The following C6orf132 variants were observed in gnomAD, a reference collection of about 807,000 sequenced individuals.
C6orf132 encodes the protein uncharacterized protein C6orf132.
Under a neutral mutation model 65.3 loss-of-function variants are expected in C6orf132, and 43 were observed. The observed-to-expected ratio is 0.66, with a 90% CI of 0.52 to 0.85. The LOEUF is 0.85. C6orf132 is among the 40% of genes least tolerant of loss of function. The pLI is 0.00. For missense variants in C6orf132, 1,488 were observed against 1,548.8 expected (o/e 0.96, Z 0.66); for synonymous variants, 631 against 654.1 (o/e 0.96, Z 0.54).
intron 2 of C6orf132, among the ~76,000 whole-genome samples, chr6:42,128,047 C>T (rs919474944): frequency 6.6e-6 from 1 of 151,584 alleles, no homozygotes; most frequent in Non-Finnish European, 1.5e-5. Context: ...GCCTCAGCCT[C>T]CCGAGTAGCT....
rs749065390 is a variant in C6orf132, at chr6:42,105,289, C to T, written c.2623G>A (p.Ala875Thr). Residue 875 changes from alanine to threonine, a missense_variant, in exon 4 of 5, where the codon GCC becomes ACC. Transcript: ENST00000341865. ...AAGATGCTGTCAGAGCTGGCCTCGG[C>T]TTGGTGGCTGTGGTCACGGAGACTT... ...PGSLRDHSHQ[A>T]EASSDSIFHS... 15 of 1,537,184 alleles carry T rather than the reference C, an allele frequency of 9.8e-6. No homozygotes were observed. Among genetic ancestry groups the T allele is most frequent in the African/African-American group, 1.4e-5 (1 of 73,180 alleles).
At chr6:42,138,663 C>A (rs1766988549) in intron 1 of C6orf132, among the ~76,000 whole-genome samples, 1 of 152,148 alleles carries the variant, frequency 6.6e-6, no homozygotes, top group Non-Finnish European at 1.5e-5. Context: ...AAAGAGAGTC[C>A]TCTAGCAAAC....
intron 1 of C6orf132, among the ~76,000 whole-genome samples, chr6:42,139,698 GT>G (rs1266904365): frequency 3.3e-5 from 5 of 151,630 alleles, no homozygotes; most frequent in African/African-American, 9.7e-5. Context: ...GCGTTTTTTT[GT>G]TTTGTTTTTT....
At chr6:42,132,807 A>G (rs1766873507) in intron 1 of C6orf132, among the ~76,000 whole-genome samples, 1 of 149,760 alleles carries the variant, frequency 6.7e-6, no homozygotes, top group African/African-American at 2.5e-5. Flanking sequence ...TAGTGAGCTG[A>G]GATTGTGCCA....
Position 42,106,669 on chromosome 6 carries a change from G to T in C6orf132, c.1243C>A (p.Pro415Thr). The T allele has an allele frequency of 6.6e-7, 1 of 1,525,258 alleles. No homozygotes were observed. The highest frequency in any genetic ancestry group is 8.8e-7 in the Non-Finnish European group (1 of 1,141,328). The allele number at this position is 1,525,258 out of a possible 1,614,324, so 94.5% of individuals were successfully genotyped here. The change falls in exon 4 of 5, where the codon CCT becomes ACT. Residue 415 changes from proline (P) to threonine (T), a missense_variant. Physicochemically the swap from Pro to Thr is conservative, Grantham distance 38 (BLOSUM62 -1). Transcript: ENST00000341865. The stretch of plus-strand genomic sequence containing the variant: ...GCCTTCTGAGCACAGGGCAAAGGAG[G>T]TGCAGCTGGGGGAAGTGGGGGTGCT... ...PPAPPLPPAA[P>T]PLPCAQKAAH... is the part of the protein sequence containing the mutation.
In C6orf132 at chr6:42,115,624, C is replaced by A. The variant is rs182285791; in HGVS notation, c.253-5333G>T. 1.5e-3 allele frequency among the ~76,000 whole-genome samples: 223 copies of A among 152,022 alleles called. 3 individuals are homozygous for A. Among genetic ancestry groups the A allele is most frequent in the African/African-American group, 5.1e-3 (212 of 41,484 alleles). Reference sequence around the variant, plus strand: ...TGGAGGCACTGCACTCCAGCCTGGGCGACAGAGCGAGACTCCGTCTCAAAA... The same window carrying A: ...TGGAGGCACTGCACTCCAGCCTGGGAGACAGAGCGAGACTCCGTCTCAAAA... On this transcript the variant is annotated intron_variant, in intron 2 of 4. Coordinates refer to ENST00000341865, the MANE Select transcript of C6orf132 (RefSeq NM_001164446.3).
chr6:42,122,561 T>C (rs1416467057), intron 2 of C6orf132, among the ~76,000 whole-genome samples: 1 of 151,964 alleles, frequency 6.6e-6, no homozygotes, highest in African/African-American at 2.4e-5. Context: ...CCATTTGCAC[T>C]CTCGTGGCAG....
intron 1 of C6orf132, 52 bp from the exon 2 acceptor site, chr6:42,128,830 G>A: frequency 7.2e-7 from 1 of 1,381,484 alleles, no homozygotes; most frequent in Non-Finnish European, 1.0e-6. Flanking sequence ...AAGGCATCCG[G>A]CCACCCAAGT....
At chr6:42,115,449 A>G (rs1766551192) in intron 2 of C6orf132, among the ~76,000 whole-genome samples, 1 of 151,508 alleles carries the variant, frequency 6.6e-6, no homozygotes. Context: ...GATTGAGACC[A>G]TCCTGGCTAA....
Position 42,105,501 on chromosome 6 carries a change from T to A in C6orf132, c.2411A>T (p.Lys804Met), listed in dbSNP as rs1397264564. The A allele has an allele frequency of 6.5e-7, 1 of 1,533,086 alleles. No homozygotes were observed. Among genetic ancestry groups the A allele is most frequent in the Non-Finnish European group, 8.7e-7 (1 of 1,144,612 alleles). 95.0% of individuals were successfully genotyped at this position (1,533,086 alleles called of 1,614,324 possible). A position where few individuals can be genotyped will look rare whatever the true frequency, so the allele number is the denominator to read the frequency against. The part of the protein sequence containing the change: ...AAGPGEPVEV[K>M]EPPGLPAKPP... ...CTTGGCTGGCAGCCCTGGGGGCTCC[T>A]TCACCTCCACGGGCTCCCCTGGCCC... is the stretch of plus-strand genomic sequence containing the variant. The change falls in exon 4 of 5, where the codon AAG becomes ATG. Residue 804 changes from lysine (K) to methionine (M), a missense_variant. Lys to Met is a moderately conservative substitution (Grantham distance 95). Coordinates refer to ENST00000341865, the MANE Select transcript of C6orf132 (RefSeq NM_001164446.3).
In C6orf132 at chr6:42,138,897, T is replaced by A. The variant is rs1477072515; in HGVS notation, c.145+3403A>T. Among the ~76,000 whole-genome samples the A allele has an allele frequency of 3.0e-5, 3 of 100,308 alleles. No homozygotes were observed. In the Admixed American group the frequency reaches 3.2e-4, roughly 11 times the overall value. The allele number at this position is 100,308 out of a possible 152,430, so 65.8% of individuals were successfully genotyped here. A position where few individuals can be genotyped will look rare whatever the true frequency, so the allele number is the denominator to read the frequency against. On this transcript the variant is annotated intron_variant, in intron 1 of 4. Transcript: ENST00000341865. ...CACACACACACTCGTGTGGCCTTGC[T>A]TGGGCTGGGAGAGGGCAGAAGACTT...
chr6:42,106,574 G>A lies in C6orf132; in HGVS notation c.1338C>T (p.Asn446=). Residue 446 remains asparagine, a synonymous_variant, in exon 4 of 5, where the codon AAC becomes AAT. Transcript: ENST00000341865. The part of the protein sequence containing the change: ...SSSPALKPKP[N]PPSPENTASS... ...ACGCTGTGTTCTCTGGGCTGGGGGGGTTGGGTTTGGGTTTGAGAGCAGGAG... is the reference window on the plus strand; with the variant it reads ...ACGCTGTGTTCTCTGGGCTGGGGGGATTGGGTTTGGGTTTGAGAGCAGGAG... 6.6e-7 allele frequency: 1 copy of A among 1,509,336 alleles called. No individual in the cohort carries two copies. Among genetic ancestry groups the A allele is most frequent in the Non-Finnish European group, 8.9e-7 (1 of 1,122,798 alleles). The allele number at this position is 1,509,336 out of a possible 1,614,324, so 93.5% of individuals were successfully genotyped here.
rs751633338 is a variant in C6orf132, at chr6:42,104,969, G to T, written c.2943C>A (p.Phe981Leu). 2.7e-6 allele frequency: 4 copies of T among 1,496,666 alleles called. No individual in the cohort carries two copies. The South Asian group carries it at 3.8e-5, about 14-fold the overall frequency. 92.7% of individuals were successfully genotyped at this position (1,496,666 alleles called of 1,614,324 possible). ...SNKREEEEEE[F>L]NFEVIPPPPE... is the part of the protein sequence containing the mutation. Reference sequence around the variant, plus strand: ...GCGGCGGTGGGATGACCTCGAAGTTGAACTCCTCCTCCTCCTCCTCCCTCT... The same window carrying T: ...GCGGCGGTGGGATGACCTCGAAGTTTAACTCCTCCTCCTCCTCCTCCCTCT... The change falls in exon 4 of 5, where the codon TTC (phenylalanine) becomes TTA (leucine). Residue 981 changes from phenylalanine (F) to leucine (L), a missense_variant. By Grantham distance (22) the Phe-to-Leu change is conservative. Transcript: ENST00000341865. The surrounding 1 kb of genome is among the most constrained non-coding windows in gnomAD (Gnocchi z 4.1).
rs1477496917 is a variant in C6orf132, at chr6:42,110,272, C to T, written c.272G>A (p.Gly91Glu). The change falls in exon 3 of 5, where the codon GGG (glycine) becomes GAG (glutamate). Residue 91 changes from glycine (G) to glutamate (E), a missense_variant. Transcript: ENST00000341865. ...AACCGAGGGGGTGGGCACAGCCAGCCCATGGTTTTCCTGGGCATTCTGAAA... is the reference window on the plus strand; with the variant it reads ...AACCGAGGGGGTGGGCACAGCCAGCTCATGGTTTTCCTGGGCATTCTGAAA... Reference protein sequence around the residue: ...FLPLNAQENHGLAVPTPSVPD... With the variant: ...FLPLNAQENHELAVPTPSVPD... 2 of 1,548,564 alleles carry T rather than the reference C, an allele frequency of 1.3e-6. No homozygotes were observed. Among genetic ancestry groups the T allele is most frequent in the Admixed American group, 4.0e-5 (2 of 50,490 alleles).
At chr6:42,115,999 G>A (rs1357220552) in intron 2 of C6orf132, among the ~76,000 whole-genome samples, 4 of 138,482 alleles carry the variant, frequency 2.9e-5, no homozygotes, top group South Asian at 2.3e-4. Context: ...GCAAGATCTC[G>A]GCTCACTGCA....
chr6:42,142,528 C>G lies in C6orf132; in HGVS notation c.-84G>C. Reference sequence around the variant, plus strand: ...CCCGGACTGAACTCAGCACGGTCTCCCCAGGGGACTCTACCAGGCCATGTC... The same window carrying G: ...CCCGGACTGAACTCAGCACGGTCTCGCCAGGGGACTCTACCAGGCCATGTC... On this transcript the variant is annotated 5_prime_UTR_variant, in exon 1 of 5. Transcript: ENST00000341865. The G allele has an allele frequency of 7.0e-7, 1 of 1,423,522 alleles. No homozygotes were observed. The allele number at this position is 1,423,522 out of a possible 1,614,324, so 88.2% of individuals were successfully genotyped here. A position where few individuals can be genotyped will look rare whatever the true frequency, so the allele number is the denominator to read the frequency against.
Position 42,106,103 on chromosome 6 carries a change from G to C in C6orf132, c.1809C>G (p.Asn603Lys). 1 of 1,537,258 alleles carries C rather than the reference G, an allele frequency of 6.5e-7. No individual in the cohort carries two copies. Among genetic ancestry groups the C allele is most frequent in the South Asian group, 1.2e-5 (1 of 84,064 alleles). Residue 603 changes from asparagine (N) to lysine (K), a missense_variant, in exon 4 of 5, where the codon AAC becomes AAG. Transcript: ENST00000341865. ...TGGAGAGTTTGTCATCATCAGCCCC[G>C]TTTTCACAAATTCTTCCCCCTTCTA... ...PRLEGGRICE[N>K]GADDDKLSKP...
At position 42,105,394 on chromosome 6, in the gene C6orf132, C is replaced by T. The variant is rs1456843002; in HGVS notation, c.2518G>A (p.Ala840Thr). The T allele has an allele frequency of 6.5e-7, 1 of 1,535,858 alleles. No individual in the cohort carries two copies. Among genetic ancestry groups the T allele is most frequent in the East Asian group, 2.4e-5 (1 of 40,878 alleles). The change falls in exon 4 of 5, where the codon GCC becomes ACC. Residue 840 changes from alanine to threonine, a missense_variant. Transcript: ENST00000341865. ...GEVVERGSPM[A>T]LLLAARQRAQ... ...CTCTGCCTGGCCGCCAGGAGCAGGGCCATCGGCGAGCCCCGCTCCACCACC... is the reference window on the plus strand; with the variant it reads ...CTCTGCCTGGCCGCCAGGAGCAGGGTCATCGGCGAGCCCCGCTCCACCACC...
Position 42,104,284 on chromosome 6 carries a change from G to A in C6orf132, c.3449+179C>T, listed in dbSNP as rs1171772728. Among the ~76,000 whole-genome samples the A allele has an allele frequency of 6.6e-6, 1 of 152,244 alleles. No individual in the cohort carries two copies. The highest frequency in any genetic ancestry group is 2.4e-5 in the African/African-American group (1 of 41,466). Reference sequence around the variant, plus strand: ...GAAAGAGAAGGGAGGTCAGGAGGGAGGTCAGGAAGGCGCCAACAGCGCCCT... The same window carrying A: ...GAAAGAGAAGGGAGGTCAGGAGGGAAGTCAGGAAGGCGCCAACAGCGCCCT... On this transcript the variant is annotated intron_variant, in intron 4 of 4. Coordinates refer to ENST00000341865, the MANE Select transcript of C6orf132 (RefSeq NM_001164446.3). This position sits in a 1 kb window ranked among gnomAD's most constrained non-coding sequence, Gnocchi z 4.1.
Sources: allele counts gnomAD v4.1 joint callset (sites outside exome capture counted in the v4.1 genomes callset), GRCh38; gene constraint gnomAD v4.1.1; non-coding constraint Gnocchi (gnomAD v3.1); transcripts MANE v1.5; gene names NCBI Gene and HGNC (gene_info 2026-07-23, HGNC 2026-07-21).